The following STARD13 variants were observed in gnomAD, a reference collection of about 807,000 sequenced individuals.
The protein encoded by STARD13 is stAR-related lipid transfer protein 13.
A neutral mutation model predicts 106.4 loss-of-function variants in STARD13; 62 were observed. That is an observed-to-expected ratio of 0.58 (90% CI 0.48 to 0.72). The LOEUF (loss-of-function observed/expected upper bound fraction) is 0.72. Among genes scored for constraint, STARD13 ranks in the 30% least tolerant of loss-of-function variants. STARD13 has a pLI of 0.00. For missense variants in STARD13, 1,387 were observed against 1,424.0 expected (o/e 0.97, Z 0.42); for synonymous variants, 565 against 553.0 (o/e 1.02, Z -0.31).
Position 33,174,227 on chromosome 13 carries a change from T to C in STARD13, c.170-6605A>G, listed in dbSNP as rs150908980. Among the ~76,000 whole-genome samples, 155 of 152,246 alleles carry C rather than the reference T, an allele frequency of 1.0e-3. 1 individual carries two copies. The highest frequency in any genetic ancestry group is 3.4e-3 in the Middle Eastern group (1 of 294). On this transcript the variant is annotated intron_variant, in intron 1 of 13. Transcript: ENST00000336934. ...ATGACATATACGTAAACAAATACGT[T>C]ACACATATTTACTGTTAATTTTTAA...
chr13:33,447,991 T>C, the STARD13 span, among the ~76,000 whole-genome samples: 7 of 152,196 alleles, frequency 4.6e-5, no homozygotes, highest in Non-Finnish European at 7.4e-5. Context: ...ATGTATGCTG[T>C]TGAAAATCTG....
At chr13:33,154,118 G>A (rs1007860637) in intron 3 of STARD13, among the ~76,000 whole-genome samples, 15 of 152,308 alleles carry the variant, frequency 9.8e-5, no homozygotes, top group East Asian at 1.9e-4. Flanking sequence ...AACTCCATGA[G>A]GGTGGGGCCT....
chr13:33,527,695 C>G, the STARD13 span, among the ~76,000 whole-genome samples: 1 of 151,708 alleles, frequency 6.6e-6, no homozygotes, highest in Non-Finnish European at 1.5e-5. Context: ...AGATAGGTAA[C>G]CCCTTTGTTT....
At chr13:33,184,689 T>TCC (rs1885575161) in intron 1 of STARD13, among the ~76,000 whole-genome samples, 1 of 152,242 alleles carries the variant, frequency 6.6e-6, no homozygotes, top group Admixed American at 6.5e-5. Flanking sequence ...GGAAGAGCAT[T>TCC]TAGTTTACTG....
At position 33,304,016 on chromosome 13, in the gene STARD13, C is replaced by T. The variant is rs963243939; in HGVS notation, c.124+46274G>A. On this transcript the variant is annotated intron_variant, in intron 1 of 5. Coordinates refer to the STARD13 transcript ENST00000567873. ...TACTCAATCAGAGCCTACATTTTAA[C>T]AAGATTTGCAGATGACTTGGCACAA... 2.6e-5 allele frequency among the ~76,000 whole-genome samples: 4 copies of T among 152,224 alleles called. No individual in the cohort carries two copies. In the East Asian group the frequency reaches 5.8e-4, roughly 22 times the overall value.
At chr13:33,472,610 G>C in the STARD13 span, among the ~76,000 whole-genome samples, 45,437 of 151,924 alleles carry the variant, frequency 0.3, 7,672 homozygotes, top group Non-Finnish European at 0.39. Context: ...GAGCAAAATT[G>C]CTGCATTAAG....
chr13:33,273,884 G>T (rs1891281902), intron 1 of STARD13: 1 of 152,162 alleles, frequency 6.6e-6, no homozygotes, highest in Admixed American at 6.5e-5. Flanking sequence ...ATTTGAGAGA[G>T]TTGAAATTTT....
At chr13:33,656,584 C>T in the STARD13 span, among the ~76,000 whole-genome samples, 1 of 152,186 alleles carries the variant, frequency 6.6e-6, no homozygotes, top group Non-Finnish European at 1.5e-5. Flanking sequence ...TTAGTAGGGA[C>T]ATGGGCCAGA....
chr13:33,380,614 A>T, the STARD13 span, among the ~76,000 whole-genome samples: 1 of 151,734 alleles, frequency 6.6e-6, no homozygotes, highest in South Asian at 2.1e-4. Flanking sequence ...TCAAAGGGGG[A>T]GGCAGGAGAG....
chr13:33,562,800 A>G, the STARD13 span, among the ~76,000 whole-genome samples: 1 of 147,164 alleles, frequency 6.8e-6, no homozygotes, highest in South Asian at 2.1e-4. Context: ...GCAAAATTAT[A>G]TATATTACAG....
the STARD13 span, among the ~76,000 whole-genome samples, chr13:33,595,347 C>T: frequency 1.3e-5 from 2 of 152,142 alleles, no homozygotes; most frequent in African/African-American, 2.4e-5. Context: ...CTATGTGGAT[C>T]ATCTAGAGAA....
intron 1 of STARD13, among the ~76,000 whole-genome samples, chr13:33,231,782 G>T (rs1366733102): frequency 6.6e-6 from 1 of 152,034 alleles, no homozygotes; most frequent in Non-Finnish European, 1.5e-5. Context: ...GATGACTAAG[G>T]TTTACCTGAA....
intron 1 of STARD13, among the ~76,000 whole-genome samples, chr13:33,210,276 T>C (rs560683158): frequency 6.6e-6 from 1 of 152,274 alleles, no homozygotes; most frequent in African/African-American, 2.4e-5. Context: ...ATTTGCAAAT[T>C]CCGGCAAGAG....
chr13:33,388,377 A>G, the STARD13 span, among the ~76,000 whole-genome samples: 24 of 152,340 alleles, frequency 1.6e-4, no homozygotes, highest in African/African-American at 5.5e-4. Context: ...CAGAGGCATA[A>G]TATCTTAGTG....
the STARD13 span, among the ~76,000 whole-genome samples, chr13:33,664,270 TACA>T: frequency 6.6e-6 from 1 of 152,200 alleles, no homozygotes; most frequent in African/African-American, 2.4e-5. Flanking sequence ...CACTATCACA[TACA>T]ACACTACGCT....
the STARD13 span, among the ~76,000 whole-genome samples, chr13:33,417,876 T>C: frequency 6.6e-6 from 1 of 152,170 alleles, no homozygotes; most frequent in African/African-American, 2.4e-5. Context: ...ACTCTGTGAA[T>C]ATACTAAAAA....
the STARD13 span, among the ~76,000 whole-genome samples, chr13:33,421,751 T>A: frequency 6.6e-6 from 1 of 152,156 alleles, no homozygotes; most frequent in African/African-American, 2.4e-5. Flanking sequence ...TCCACCACGA[T>A]CAAGGTGGCT....
chr13:33,350,525 C>G, exon 1 of STARD13: 1 of 1,444,554 alleles, frequency 6.9e-7, no homozygotes, highest in Non-Finnish European at 9.1e-7. Flanking sequence ...CCGCCGGGGT[C>G]CCGGGACCCA....
chr13:33,111,251 A>G (rs1226228255), intron 10 of STARD13, among the ~76,000 whole-genome samples: 2 of 152,248 alleles, frequency 1.3e-5, no homozygotes, highest in Non-Finnish European at 1.5e-5. Flanking sequence ...CTTAAAACAG[A>G]CAGACTTGTG....
Sources: gnomAD v4.1 joint callset for allele counts (sites outside exome capture counted in the v4.1 genomes callset) on GRCh38, gnomAD v4.1.1 for gene constraint, MANE v1.5 for transcripts, NCBI Gene and HGNC (gene_info 2026-07-23, HGNC 2026-07-21) for gene names.